ENKUR: variants seen among roughly 807,000 people sequenced by gnomAD.
The protein encoded by ENKUR is enkurin, TRPC channel interacting protein.
A neutral mutation model predicts 27.6 loss-of-function variants in ENKUR; 19 were observed. The observed-to-expected ratio is 0.69, with a 90% confidence interval of 0.48 to 1.01. The LOEUF (loss-of-function observed/expected upper bound fraction) is 1.01, where lower values mean the gene tolerates loss of function less well. Ranked by LOEUF, ENKUR falls within the 50% of genes least tolerant of loss-of-function variation. ENKUR has a pLI of 0.00. For synonymous variants in ENKUR, 117 were observed against 96.9 expected (o/e 1.21, Z -1.22); for missense variants, 312 against 310.5 (o/e 1.00, Z -0.04).
intron 2 of ENKUR, among the ~76,000 whole-genome samples, chr10:25,022,545 G>A (rs1850743586): frequency 6.6e-6 from 1 of 152,150 alleles, no homozygotes; most frequent in Non-Finnish European, 1.5e-5. Flanking sequence ...GCGTGTAAAA[G>A]GCACATAAGA....
At chr10:24,993,636 A>G (rs1340819036) in intron 3 of ENKUR, among the ~76,000 whole-genome samples, 1 of 152,238 alleles carries the variant, frequency 6.6e-6, no homozygotes, top group Admixed American at 6.5e-5. Flanking sequence ...AGATCTTTAA[A>G]ACTTAACTCT....
At chr10:25,017,113 C>G (rs1321586588), upstream of ENKUR, among the ~76,000 whole-genome samples, 1 of 152,208 alleles carries the variant, frequency 6.6e-6, no homozygotes, top group Non-Finnish European at 1.5e-5. Flanking sequence ...TCCTCTAGGT[C>G]GTTCTCCAGG....
chr10:25,017,644 T>C (rs1850634176), upstream of ENKUR, among the ~76,000 whole-genome samples: 1 of 151,530 alleles, frequency 6.6e-6, no homozygotes. Context: ...TTGTATACAG[T>C]TGATTTTAAT....
intron 1 of ENKUR, among the ~76,000 whole-genome samples, chr10:25,011,297 T>G (rs561944379): frequency 6.6e-6 from 1 of 152,256 alleles, no homozygotes; most frequent in South Asian, 2.1e-4. Flanking sequence ...GGGTTGTTTG[T>G]TTTTTTCTTG....
chr10:25,044,586 A>G (rs952117783), intron 2 of ENKUR, among the ~76,000 whole-genome samples: 3 of 152,104 alleles, frequency 2.0e-5, no homozygotes, highest in African/African-American at 4.8e-5. Flanking sequence ...TTGTAGAGAC[A>G]TAGTCTCGCT....
chr10:25,003,344 C>A (rs1003440891), intron 1 of ENKUR, among the ~76,000 whole-genome samples: 1 of 152,068 alleles, frequency 6.6e-6, no homozygotes, highest in African/African-American at 2.4e-5. Flanking sequence ...GTAGCTGGGA[C>A]TACAGGCATG....
intron 2 of ENKUR, chr10:25,023,773 G>C (rs1850773024): frequency 1.2e-6 from 2 of 1,613,870 alleles, no homozygotes; most frequent in Non-Finnish European, 1.7e-6. Context: ...ATCTATGAAA[G>C]ACTTACTTAA....
At chr10:25,010,000 G>A (rs951635157) in intron 1 of ENKUR, among the ~76,000 whole-genome samples, 3 of 152,150 alleles carry the variant, frequency 2.0e-5, no homozygotes, top group Non-Finnish European at 2.9e-5. Context: ...AGAGTGGGAT[G>A]CTGCTATAAA....
chr10:25,019,779 A>G (rs950871364), upstream of ENKUR, among the ~76,000 whole-genome samples: 1 of 152,222 alleles, frequency 6.6e-6, no homozygotes, highest in East Asian at 1.9e-4. Flanking sequence ...AAGAGTGTCA[A>G]GACCAAAAGC....
chr10:24,984,292 G>T lies in ENKUR; in HGVS notation c.*78C>A. 1.4e-6 allele frequency: 2 copies of T among 1,473,592 alleles called. No individual in the cohort carries two copies. The highest frequency in any genetic ancestry group is 1.8e-6 in the Non-Finnish European group (2 of 1,082,946). 91.3% of individuals were successfully genotyped at this position (1,473,592 alleles called of 1,614,324 possible). A position where few individuals can be genotyped will look rare whatever the true frequency, so the allele number is the denominator to read the frequency against. The stretch of plus-strand genomic sequence containing the variant: ...GCTCAGAAACAATGTGTTGGAGACA[G>T]TTTAGAGTAGCAAGAAGGCACGTGT... On this transcript the variant is annotated 3_prime_UTR_variant, in exon 6 of 6. Transcript: ENST00000331161.
In ENKUR at chr10:24,990,378, A is replaced by G. The variant is rs1849898667; in HGVS notation, c.594+85T>C. 2.5e-5 allele frequency: 37 copies of G among 1,492,260 alleles called. 1 individual carries two copies. The South Asian group carries it at 5.0e-4, about 20-fold the overall frequency. The allele number at this position is 1,492,260 out of a possible 1,614,324, so 92.4% of individuals were successfully genotyped here. A position where few individuals can be genotyped will look rare whatever the true frequency, so the allele number is the denominator to read the frequency against. ...TTCTGATTTCAAAATCCAAGTGCTG[A>G]CTTTAATCATCAAAGTGATGGTACA... On this transcript the variant is annotated intron_variant, in intron 4 of 5. Transcript: ENST00000331161.
chr10:25,016,484 G>C (rs759531477), upstream of ENKUR, among the ~76,000 whole-genome samples: 1 of 152,218 alleles, frequency 6.6e-6, no homozygotes, highest in Non-Finnish European at 1.5e-5. Context: ...CTGAGACCAC[G>C]AGGACGCAAG....
At chr10:25,030,768 T>C (rs1341277466) in intron 2 of ENKUR, among the ~76,000 whole-genome samples, 1 of 152,200 alleles carries the variant, frequency 6.6e-6, no homozygotes, top group African/African-American at 2.4e-5. Flanking sequence ...CAAACTCCTA[T>C]TTTAGGGATT....
chr10:25,029,519 A>G (rs1179690108), intron 2 of ENKUR, among the ~76,000 whole-genome samples: 1 of 151,610 alleles, frequency 6.6e-6, no homozygotes, highest in African/African-American at 2.4e-5. Flanking sequence ...TCGTTTATAA[A>G]CCTTTTGTAA....
chr10:24,990,201 T>C lies in ENKUR; in HGVS notation c.594+262A>G, dbSNP rs11014338. On this transcript the variant is annotated intron_variant, in intron 4 of 5. Coordinates refer to ENST00000331161, the MANE Select transcript of ENKUR (RefSeq NM_145010.4). ...CATGCATGTTCGTTGTAGAGGAAGG[T>C]AGGCTTCCTTACAACACTAGTTCAG... is the stretch of plus-strand genomic sequence containing the variant. Among the ~76,000 whole-genome samples the C allele has an allele frequency of 2.6e-4, 40 of 152,302 alleles. No individual in the cohort carries two copies. In the East Asian group the frequency reaches 5.8e-3, roughly 22 times the overall value.
chr10:25,050,433 G>A (rs1022613733), intron 2 of ENKUR, among the ~76,000 whole-genome samples: 8 of 152,174 alleles, frequency 5.3e-5, no homozygotes, highest in South Asian at 2.1e-4. Context: ...GCAAAGTCAC[G>A]TCTTGCATGG....
At chr10:25,012,101 C>G (rs1027373404) in intron 1 of ENKUR, among the ~76,000 whole-genome samples, 1 of 152,228 alleles carries the variant, frequency 6.6e-6, no homozygotes, top group Admixed American at 6.5e-5. Context: ...GAGCCCCAAG[C>G]CTTGGTGGCT....
intron 1 of ENKUR, among the ~76,000 whole-genome samples, chr10:25,003,518 T>C (rs1850243101): frequency 6.6e-6 from 1 of 152,220 alleles, no homozygotes; most frequent in Non-Finnish European, 1.5e-5. Flanking sequence ...GTGTTTCTAT[T>C]TCTGTAAGAA....
intron 2 of ENKUR, chr10:25,024,427 G>C (rs367746986): frequency 6.2e-7 from 1 of 1,614,042 alleles, no homozygotes; most frequent in Non-Finnish European, 8.5e-7. Flanking sequence ...GCAAAGGATA[G>C]CTGTGGTTGC....
Sources: gnomAD v4.1 joint callset for allele counts (sites outside exome capture counted in the v4.1 genomes callset) on GRCh38, gnomAD v4.1.1 for gene constraint, MANE v1.5 for transcripts, NCBI Gene and HGNC (gene_info 2026-07-23, HGNC 2026-07-21) for gene names.